Variants in HERC4 observed in about 807,000 individuals in gnomAD.
HERC4 encodes probable E3 ubiquitin-protein ligase HERC4.
Under a neutral mutation model 124.3 loss-of-function variants are expected in HERC4, and 28 were observed. The observed-to-expected ratio is 0.23, with a 90% CI of 0.17 to 0.31. HERC4 has a LOEUF of 0.31. Among genes scored for constraint, HERC4 ranks in the 10% least tolerant of loss-of-function variants. HERC4 has a pLI of 1.00. For missense variants in HERC4, 713 were observed against 1,229.3 expected (o/e 0.58, Z 6.28); for synonymous variants, 407 against 421.5 (o/e 0.97, Z 0.42).
At chr10:68,029,624 T>C (rs891772796) in intron 7 of HERC4, among the ~76,000 whole-genome samples, 1 of 150,876 alleles carries the variant, frequency 6.6e-6, no homozygotes, top group Non-Finnish European at 1.5e-5. Flanking sequence ...TCTGGTGTAG[T>C]TGTGCCACTA....
At chr10:68,075,076 A>C (rs1355316124) in intron 1 of HERC4, 68 bp downstream of exon 1, 4 of 152,866 alleles carry the variant, frequency 2.6e-5, no homozygotes, top group Non-Finnish European at 5.9e-5. Context: ...GGCGACGATC[A>C]CCAGGGCACC....
intron 9 of HERC4, among the ~76,000 whole-genome samples, chr10:68,005,330 A>C (rs2037475015): frequency 6.6e-6 from 1 of 152,052 alleles, no homozygotes. Context: ...CTTGAAATCT[A>C]TTTTGTCTGA....
intron 3 of HERC4, among the ~76,000 whole-genome samples, chr10:68,062,567 C>A (rs2041083160): frequency 6.6e-6 from 1 of 151,594 alleles, no homozygotes; most frequent in South Asian, 2.1e-4. Context: ...GTATGGTCAA[C>A]ACAGTGAAAC....
At chr10:67,939,847 A>G (rs1337807001) in intron 20 of HERC4, among the ~76,000 whole-genome samples, 193 bp from the exon 21 acceptor site, 1 of 152,132 alleles carries the variant, frequency 6.6e-6, no homozygotes. Context: ...TTAAGGAAAA[A>G]AATTAGTAAA....
intron 9 of HERC4, among the ~76,000 whole-genome samples, chr10:68,001,804 CAT>C (rs1280261424): frequency 6.6e-6 from 1 of 152,170 alleles, no homozygotes; most frequent in African/African-American, 2.4e-5. Flanking sequence ...TCAGTAGACT[CAT>C]ATGATATTTG....
intron 19 of HERC4, among the ~76,000 whole-genome samples, chr10:67,949,140 C>A (rs1057151815): frequency 6.0e-5 from 9 of 149,540 alleles, no homozygotes; most frequent in Admixed American, 5.3e-4. Context: ...AAAACTAAGC[C>A]AGGCATGGTG....
chr10:68,039,823 A>C (rs2039669967), intron 4 of HERC4: 1 of 1,060,424 alleles, frequency 9.4e-7, no homozygotes, highest in Non-Finnish European at 1.1e-6. Context: ...TGATACATTG[A>C]CCTGTTCAGC....
At chr10:68,038,340 A>C in intron 4 of HERC4, 171 bp from the exon 5 acceptor site, 1 of 435,156 alleles carries the variant, frequency 2.3e-6, no homozygotes, top group Non-Finnish European at 4.0e-6. Flanking sequence ...ATCAGTAAAC[A>C]AGAGCTAGAT....
At chr10:68,058,349 T>C (rs2040659536) in intron 3 of HERC4, among the ~76,000 whole-genome samples, 2 of 152,072 alleles carry the variant, frequency 1.3e-5, no homozygotes, top group South Asian at 4.1e-4. Context: ...GTTGAATAAA[T>C]GTCTGAACTT....
chr10:67,958,291 G>A (rs2034276129), intron 16 of HERC4, among the ~76,000 whole-genome samples: 1 of 152,050 alleles, frequency 6.6e-6, no homozygotes, highest in South Asian at 2.1e-4. Flanking sequence ...TCCTATATTT[G>A]TGGCACTGCC....
Position 67,988,909 on chromosome 10 carries a change from T to C in HERC4, c.1634-74A>G, listed in dbSNP as rs2036408809. The C allele has an allele frequency of 7.4e-6, 9 of 1,215,448 alleles. No individual in the cohort carries two copies. In the South Asian group the frequency reaches 1.2e-4, roughly 16 times the overall value. The allele number at this position is 1,215,448 out of a possible 1,614,324, so 75.3% of individuals were successfully genotyped here. ...CACAATTTTCAAAATCATACTGACT[T>C]TTTTTCTGAAACAGTAGTTGTTAAA... On this transcript the variant is annotated intron_variant, in intron 14 of 24. Coordinates refer to ENST00000373700, the MANE Select transcript of HERC4 (RefSeq NM_015601.4).
intron 19 of HERC4, among the ~76,000 whole-genome samples, chr10:67,947,641 G>C (rs1307702896): frequency 6.6e-6 from 1 of 152,054 alleles, no homozygotes; most frequent in African/African-American, 2.4e-5. Context: ...TCCAATAAAA[G>C]TAGAATAAAC....
chr10:67,992,300 G>A lies in HERC4; in HGVS notation c.1170C>T (p.Phe390=). ...SPQNCGPPDD[F]RCPNPTKQIW... is the part of the protein sequence containing the mutation. ...TCTGCTTTGTCGGATTGGGACATCT[G>A]AAGTCATCTGGTGGCCCACAGTTCT... Residue 390 remains phenylalanine, a synonymous_variant, in exon 11 of 25, where the codon TTC becomes TTT. Coordinates refer to ENST00000373700, the MANE Select transcript of HERC4 (RefSeq NM_015601.4). The A allele has an allele frequency of 6.2e-7, 1 of 1,613,836 alleles. No individual in the cohort carries two copies. Among genetic ancestry groups the A allele is most frequent in the Non-Finnish European group, 8.5e-7 (1 of 1,179,782 alleles).
At chr10:68,043,836 C>T (rs982414145) in intron 4 of HERC4, among the ~76,000 whole-genome samples, 10 of 151,984 alleles carry the variant, frequency 6.6e-5, no homozygotes, top group Non-Finnish European at 1.5e-4. Context: ...AAACAAAAAA[C>T]GATTATGCCC....
At chr10:68,026,270 C>CT (rs1390855053) in intron 7 of HERC4, among the ~76,000 whole-genome samples, 1 of 151,904 alleles carries the variant, frequency 6.6e-6, no homozygotes, top group Non-Finnish European at 1.5e-5. Context: ...TAATTTTTTA[C>CT]TTTTTTGTAG....
chr10:68,063,956 A>G (rs1282226970), intron 3 of HERC4, among the ~76,000 whole-genome samples: 1 of 150,920 alleles, frequency 6.6e-6, no homozygotes, highest in Non-Finnish European at 1.5e-5. Flanking sequence ...TAATTAAGAA[A>G]CAGAGGCTGG....
At chr10:68,003,950 CT>C (rs1422495957) in intron 9 of HERC4, among the ~76,000 whole-genome samples, 1 of 152,136 alleles carries the variant, frequency 6.6e-6, no homozygotes, top group African/African-American at 2.4e-5. Flanking sequence ...AGTGGCTATA[CT>C]AATTTACAAT....
At chr10:68,067,750 G>A (rs944708351) in intron 3 of HERC4, 1 of 152,020 alleles carries the variant, frequency 6.6e-6, no homozygotes, top group Non-Finnish European at 1.5e-5. Context: ...TCGAGGATAT[G>A]GAAAACAAAG....
Position 67,939,570 on chromosome 10 carries a change from T to A in HERC4, c.2571+18A>T. On this transcript the variant is annotated intron_variant, in intron 21 of 24. Transcript: ENST00000373700. Reference sequence around the variant, plus strand: ...GAGATGATAAATAATCAGGCTAACCTATGTCCTTCCATCTTACCGTAAAAT... The same window carrying A: ...GAGATGATAAATAATCAGGCTAACCAATGTCCTTCCATCTTACCGTAAAAT... The A allele has an allele frequency of 6.5e-7, 1 of 1,542,128 alleles. No individual in the cohort carries two copies. Among genetic ancestry groups the A allele is most frequent in the South Asian group, 1.2e-5 (1 of 86,424 alleles).
Sources: allele counts gnomAD v4.1 joint callset (sites outside exome capture counted in the v4.1 genomes callset), GRCh38; gene constraint gnomAD v4.1.1; transcripts MANE v1.5; gene names NCBI Gene and HGNC (gene_info 2026-07-23, HGNC 2026-07-21).